FER: variants seen among roughly 807,000 people sequenced by gnomAD.
FER encodes FER tyrosine kinase, also known as tyrosine-protein kinase Fer.
In FER, 63 loss-of-function variants were observed where a neutral mutation model predicts 111.0. That is an observed-to-expected ratio of 0.57 (90% CI 0.46 to 0.70). The LOEUF (loss-of-function observed/expected upper bound fraction) is 0.70. Ranked by LOEUF, FER falls within the 30% of genes least tolerant of loss-of-function variation. The probability of loss-of-function intolerance (pLI) is 0.00; values close to 1 mark genes in which losing one functional copy is unlikely to be tolerated. For missense variants in FER, 914 were observed against 954.0 expected (o/e 0.96, Z 0.55); for synonymous variants, 327 against 313.9 (o/e 1.04, Z -0.44).
chr5:109,018,016 A>G (rs1034800024), intron 13 of FER, among the ~76,000 whole-genome samples: 4 of 151,892 alleles, frequency 2.6e-5, no homozygotes, highest in African/African-American at 4.8e-5. Context: ...ACTTTGTAAT[A>G]GTAGGGAAAG....
intron 17 of FER, among the ~76,000 whole-genome samples, chr5:109,107,034 A>T (rs1749018792): frequency 6.6e-6 from 1 of 152,168 alleles, no homozygotes; most frequent in Admixed American, 6.6e-5. Flanking sequence ...AAAGTCCTTG[A>T]GAGTGAGAGG....
At chr5:109,124,406 G>A (rs541382538) in intron 17 of FER, among the ~76,000 whole-genome samples, 1 of 152,124 alleles carries the variant, frequency 6.6e-6, no homozygotes, top group African/African-American at 2.4e-5. Flanking sequence ...TGAACTCTTC[G>A]TGTACTTGTG....
intron 13 of FER, among the ~76,000 whole-genome samples, chr5:109,016,451 G>A (rs1161271597): frequency 1.3e-5 from 2 of 152,004 alleles, no homozygotes; most frequent in Non-Finnish European, 2.9e-5. Flanking sequence ...CTCCTATAAA[G>A]CAAAGTGAAA....
At chr5:109,113,278 T>C (rs1749843676) in intron 17 of FER, among the ~76,000 whole-genome samples, 1 of 152,156 alleles carries the variant, frequency 6.6e-6, no homozygotes, top group Non-Finnish European at 1.5e-5. Flanking sequence ...TCTGCTTACA[T>C]ATCTATGACT....
At chr5:108,883,628 AT>A in intron 9 of FER, 110 bp downstream of exon 9, 1 of 976,638 alleles carries the variant, frequency 1.0e-6, no homozygotes, top group Non-Finnish European at 1.4e-6. Context: ...AGAAACTTTT[AT>A]TTTAAGTATG....
At chr5:109,119,830 G>C (rs1210866524) in intron 17 of FER, among the ~76,000 whole-genome samples, 2 of 152,074 alleles carry the variant, frequency 1.3e-5, no homozygotes. Context: ...GGGGTAAAAT[G>C]ACATCTCATT....
intron 13 of FER, among the ~76,000 whole-genome samples, chr5:109,022,409 G>A (rs1768051193): frequency 6.6e-6 from 1 of 152,120 alleles, no homozygotes; most frequent in African/African-American, 2.4e-5. Flanking sequence ...AAGTAGGCTT[G>A]CAGTACAGGA....
chr5:109,181,768 ATAAAATTAATTAC>A (rs1229790252), intron 18 of FER, among the ~76,000 whole-genome samples: 1 of 152,222 alleles, frequency 6.6e-6, no homozygotes, highest in Non-Finnish European at 1.5e-5. Context: ...TTCACATACC[ATAAAATTAATTAC>A]TTTAAAGTGA....
In FER at chr5:109,012,980, T is replaced by A. The variant is rs536855426; in HGVS notation, c.1657-24442T>A. 5.5e-4 allele frequency among the ~76,000 whole-genome samples: 83 copies of A among 151,984 alleles called. 1 individual carries two copies. In the South Asian group the frequency reaches 0.014, roughly 26 times the overall value. On this transcript the variant is annotated intron_variant, in intron 13 of 19. Transcript: ENST00000281092. ...CTTATTTCTCCCTTGGCTGAACGTG[T>A]GGAGCGGAATTACCTGTTACTAGAA...
intron 16 of FER, among the ~76,000 whole-genome samples, chr5:109,059,752 C>A (rs1774139921): frequency 6.6e-6 from 1 of 152,156 alleles, no homozygotes; most frequent in African/African-American, 2.4e-5. Context: ...ATGATGGTCA[C>A]TTTGGAAGAG....
intron 10 of FER, among the ~76,000 whole-genome samples, chr5:108,934,226 C>G (rs1265610578): frequency 6.6e-6 from 1 of 152,064 alleles, no homozygotes; most frequent in African/African-American, 2.4e-5. Context: ...AGAGAGTAAG[C>G]AAAGAGTTAC....
chr5:109,000,456 G>A (rs948445421), intron 13 of FER, among the ~76,000 whole-genome samples: 8 of 151,770 alleles, frequency 5.3e-5, no homozygotes, highest in African/African-American at 1.9e-4. Flanking sequence ...TGAAACCAAC[G>A]AGAAAAAAGA....
At chr5:109,158,909 C>T (rs1243406954) in intron 17 of FER, among the ~76,000 whole-genome samples, 2 of 151,776 alleles carry the variant, frequency 1.3e-5, no homozygotes, top group Non-Finnish European at 2.9e-5. Flanking sequence ...TTCATGAATA[C>T]CAATAATGAA....
At chr5:109,128,047 TA>T (rs1395730664) in intron 17 of FER, among the ~76,000 whole-genome samples, 1 of 152,186 alleles carries the variant, frequency 6.6e-6, no homozygotes, top group Non-Finnish European at 1.5e-5. Context: ...AGAAATTTTA[TA>T]AGTCTTTGAT....
intron 13 of FER, among the ~76,000 whole-genome samples, chr5:109,032,234 A>G (rs1342081809): frequency 6.6e-6 from 1 of 152,158 alleles, no homozygotes; most frequent in Non-Finnish European, 1.5e-5. Flanking sequence ...TAGAGATGTT[A>G]GAGAGAAGAG....
chr5:109,112,550 G>A lies in FER; in HGVS notation c.2048+12031G>A, dbSNP rs114539396. Among the ~76,000 whole-genome samples the A allele has an allele frequency of 9.6e-3, 1,454 of 152,166 alleles. 26 individuals are homozygous for A. The highest frequency in any genetic ancestry group is 0.033 in the African/African-American group (1,366 of 41,536). On this transcript the variant is annotated intron_variant, in intron 17 of 19. Transcript: ENST00000281092. ...GGCTCTGAGAGAGATCACTATGCCC[G>A]GAGGTTTTGGCTGCACCTCTCTCAC...
chr5:109,133,387 A>G (rs1752569593), intron 17 of FER, among the ~76,000 whole-genome samples: 1 of 152,188 alleles, frequency 6.6e-6, no homozygotes, highest in Admixed American at 6.6e-5. Context: ...GTAACAGCCA[A>G]AATTACTCTG....
intron 2 of FER, 65 bp from the exon 3 acceptor site, chr5:108,798,057 CTT>C: frequency 1.1e-4 from 54 of 481,912 alleles, no homozygotes; most frequent in South Asian, 1.9e-4. Flanking sequence ...TCTATCATAA[CTT>C]TTTTTTTTTT....
intron 1 of FER, among the ~76,000 whole-genome samples, chr5:108,767,753 A>T (rs1436575212): frequency 1.3e-5 from 2 of 152,198 alleles, no homozygotes; most frequent in African/African-American, 2.4e-5. Flanking sequence ...CAGTGTTGGG[A>T]TTACAGGTGT....
Sources: allele counts gnomAD v4.1 joint callset (sites outside exome capture counted in the v4.1 genomes callset), GRCh38; gene constraint gnomAD v4.1.1; transcripts MANE v1.5; gene names NCBI Gene and HGNC (gene_info 2026-07-23, HGNC 2026-07-21).